RIMS4: variants seen among roughly 807,000 people sequenced by gnomAD.
The protein encoded by RIMS4 is regulating synaptic membrane exocytosis protein 4.
Under a neutral mutation model 29.0 loss-of-function variants are expected in RIMS4, and 9 were observed. The ratio of observed to expected loss-of-function variants is 0.31; its 90% confidence interval spans 0.19 to 0.54. The LOEUF is 0.54. Among genes scored for constraint, RIMS4 ranks in the 20% least tolerant of loss-of-function variants. The pLI is 0.94. For missense variants in RIMS4, 193 were observed against 365.7 expected, an observed-to-expected ratio of 0.53 and a Z score of 3.85; for synonymous variants, 130 against 152.9, an observed-to-expected ratio of 0.85 and a Z score of 1.10.
Position 44,762,202 on chromosome 20 carries a change from A to G in RIMS4, c.237-4018T>C, listed in dbSNP as rs554043427. ...TCATCACTGATCTGACAGGAGGCAG[A>G]GCTCAGGCGGTAACGCTCGCTCGCC... On this transcript the variant is annotated intron_variant, in intron 2 of 5. Transcript: ENST00000372851. Among the ~76,000 whole-genome samples the G allele has an allele frequency of 2.0e-5, 3 of 152,344 alleles. No homozygotes were observed. The South Asian group carries it at 6.2e-4, about 32-fold the overall frequency.
rs57151872 is a variant in RIMS4, at chr20:44,799,304, GA to G, written c.97+10870del. Reference sequence around the variant, plus strand: ...GGCAACAGAGCAAGACTCCATCTCAGAAAAAAAAAAAATTATCCCTTGCTAG... The same window carrying G: ...GGCAACAGAGCAAGACTCCATCTCAGAAAAAAAAAAATTATCCCTTGCTAG... On this transcript the variant is annotated intron_variant, in intron 1 of 5. Transcript: ENST00000372851. Among the ~76,000 whole-genome samples the G allele has an allele frequency of 2.2e-3, 316 of 146,594 alleles. 1 individual carries two copies. Among genetic ancestry groups the G allele is most frequent in the Middle Eastern group, 0.011 (3 of 280 alleles).
At chr20:44,757,804 A>G in intron 3 of RIMS4, 33 bp from the exon 4 acceptor site, 6 of 1,568,876 alleles carry the variant, frequency 3.8e-6, no homozygotes, top group African/African-American at 2.7e-5. Flanking sequence ...AGACTGGGAA[A>G]TGGTTCAGAA....
At chr20:44,806,731 G>C (rs113351509) in intron 1 of RIMS4, among the ~76,000 whole-genome samples, 165 of 152,254 alleles carry the variant, frequency 1.1e-3, no homozygotes, top group African/African-American at 3.9e-3. Flanking sequence ...ACAGCATAAT[G>C]GTTGATTAAA....
intron 1 of RIMS4, among the ~76,000 whole-genome samples, chr20:44,780,566 A>G (rs2066179774): frequency 6.6e-6 from 1 of 152,246 alleles, no homozygotes; most frequent in Non-Finnish European, 1.5e-5. Flanking sequence ...ACCAGAGCCT[A>G]TGAGAGGTGC....
rs368207881 is a variant in RIMS4, at chr20:44,756,088, T to C, written c.*46A>G. The C allele has an allele frequency of 2.0e-6, 3 of 1,466,806 alleles. No individual in the cohort carries two copies. The highest frequency in any genetic ancestry group is 1.3e-5 in the South Asian group (1 of 79,918). 90.9% of individuals were successfully genotyped at this position (1,466,806 alleles called of 1,614,324 possible). On this transcript the variant is annotated 3_prime_UTR_variant, in exon 6 of 6. Coordinates refer to ENST00000372851, the MANE Select transcript of RIMS4 (RefSeq NM_182970.4). The surrounding 1 kb of genome is among the most constrained non-coding windows in gnomAD (Gnocchi z 5.9). ...TGGGCCTGGGGTCCCAGGTCAGGGC[T>C]GGGTGGTCTCCAGGCCATCTTGGGG...
intron 1 of RIMS4, 98 bp from the exon 2 acceptor site, chr20:44,771,511 G>A (rs2066137452): frequency 3.7e-6 from 5 of 1,362,714 alleles, no homozygotes; most frequent in Admixed American, 2.0e-5. Context: ...CAGCAGCTGG[G>A]GGCTGTCCAG....
Position 44,757,052 on chromosome 20 carries a change from C to T in RIMS4, c.452-15G>A, listed in dbSNP as rs1382186634. Reference sequence around the variant, plus strand: ...GATGTAGGCCGCTGGGGATAGAGGCCAGCAGGGGTGAGTTCTAGTTTGGCC... The same window carrying T: ...GATGTAGGCCGCTGGGGATAGAGGCTAGCAGGGGTGAGTTCTAGTTTGGCC... On this transcript the variant is annotated splice_polypyrimidine_tract_variant and intron_variant, in intron 4 of 5. Coordinates refer to ENST00000372851, the MANE Select transcript of RIMS4 (RefSeq NM_182970.4). 6.2e-7 allele frequency: 1 copy of T among 1,611,526 alleles called. No individual in the cohort carries two copies. Among genetic ancestry groups the T allele is most frequent in the East Asian group, 2.2e-5 (1 of 44,832 alleles).
intron 1 of RIMS4, among the ~76,000 whole-genome samples, chr20:44,773,652 G>C (rs371514645): frequency 2.3e-4 from 35 of 152,244 alleles, no homozygotes; most frequent in African/African-American, 7.7e-4. Flanking sequence ...ATTTCTCCCG[G>C]AAGAGGGAGG....
chr20:44,777,099 T>C (rs1182495381), intron 1 of RIMS4, among the ~76,000 whole-genome samples: 1 of 152,208 alleles, frequency 6.6e-6, no homozygotes, highest in Non-Finnish European at 1.5e-5. Context: ...GGGTAACTAT[T>C]CCATGGCACC....
At chr20:44,781,758 C>A (rs1258295127) in intron 1 of RIMS4, among the ~76,000 whole-genome samples, 1 of 152,156 alleles carries the variant, frequency 6.6e-6, no homozygotes, top group African/African-American at 2.4e-5. Flanking sequence ...GCTGTTTTTC[C>A]TCAGGAAGCT....
At chr20:44,792,724 A>G (rs2066238472) in intron 1 of RIMS4, among the ~76,000 whole-genome samples, 1 of 152,228 alleles carries the variant, frequency 6.6e-6, no homozygotes, top group East Asian at 1.9e-4. Context: ...TTATCCAGGT[A>G]AAGTATTCAG....
intron 2 of RIMS4, among the ~76,000 whole-genome samples, chr20:44,765,283 CAGGTCAAA>C (rs2066108832): frequency 6.6e-6 from 1 of 152,100 alleles, no homozygotes; most frequent in African/African-American, 2.4e-5. Flanking sequence ...CAGGGATTTG[CAGGTCAAA>C]GCTACGGGGT....
At chr20:44,759,864 CTTAAG>C (rs1020199858) in intron 2 of RIMS4, among the ~76,000 whole-genome samples, 12 of 152,238 alleles carry the variant, frequency 7.9e-5, no homozygotes, top group South Asian at 2.1e-4. Flanking sequence ...TCTGTTTTTA[CTTAAG>C]TTATCTGCAG....
intron 1 of RIMS4, among the ~76,000 whole-genome samples, chr20:44,774,616 T>C (rs2066151766): frequency 6.6e-6 from 1 of 152,206 alleles, no homozygotes; most frequent in African/African-American, 2.4e-5. Flanking sequence ...GACCTTGCCT[T>C]GTAATCGTGT....
intron 2 of RIMS4, among the ~76,000 whole-genome samples, chr20:44,764,139 TATGCATCCATTTATCCATCCATCCATCC>T (rs2066100487): frequency 2.6e-4 from 4 of 15,574 alleles, no homozygotes; most frequent in African/African-American, 1.0e-3. Flanking sequence ...TCCATCCATT[TATGCATCCATTTATCCATCCATCCATCC>T]ATCCATCCAT....
intron 1 of RIMS4, among the ~76,000 whole-genome samples, chr20:44,809,468 GCGA>G (rs2066313311): frequency 6.6e-6 from 1 of 152,068 alleles, no homozygotes; most frequent in Non-Finnish European, 1.5e-5. Flanking sequence ...ACCAAGAAAG[GCGA>G]CTCCAGGGAC....
intron 1 of RIMS4, among the ~76,000 whole-genome samples, chr20:44,776,347 T>G (rs986462294): frequency 6.6e-6 from 1 of 152,184 alleles, no homozygotes; most frequent in African/African-American, 2.4e-5. Context: ...CACCCAGGCA[T>G]CCAAGACTCT....
chr20:44,773,920 T>C (rs1311485319), intron 1 of RIMS4, among the ~76,000 whole-genome samples: 1 of 151,974 alleles, frequency 6.6e-6, no homozygotes, highest in Non-Finnish European at 1.5e-5. Context: ...ACAAAGTAGG[T>C]GCCAAACATA....
intron 1 of RIMS4, among the ~76,000 whole-genome samples, chr20:44,792,257 G>A (rs1006374062): frequency 1.3e-5 from 2 of 152,172 alleles, no homozygotes; most frequent in Admixed American, 1.3e-4. Context: ...TCACAGACTC[G>A]AGTGTCAGGC....
Sources: allele counts gnomAD v4.1 joint callset (sites outside exome capture counted in the v4.1 genomes callset), GRCh38; gene constraint gnomAD v4.1.1; non-coding constraint Gnocchi (gnomAD v3.1); transcripts MANE v1.5; gene names NCBI Gene and HGNC (gene_info 2026-07-23, HGNC 2026-07-21).